Variants in SGCD observed in about 807,000 individuals in gnomAD.
SGCD encodes the protein sarcoglycan delta, also known as delta-sarcoglycan.
In SGCD, 18 loss-of-function variants were observed where a neutral mutation model predicts 36.6. The observed-to-expected ratio is 0.49, with a 90% CI of 0.34 to 0.73. The LOEUF is 0.73. SGCD is among the 30% of genes least tolerant of loss of function. The pLI is 0.01. For missense variants in SGCD, 387 were observed against 346.7 expected, an observed-to-expected ratio of 1.12 and a Z score of -0.92; for synonymous variants, 133 against 130.6, an observed-to-expected ratio of 1.02 and a Z score of -0.12.
chr5:155,764,308 A>G, the SGCD span, among the ~76,000 whole-genome samples: 1 of 152,160 alleles, frequency 6.6e-6, no homozygotes, highest in East Asian at 1.9e-4. Flanking sequence ...CATAAACAAC[A>G]TCACCACCAA....
chr5:156,598,269 C>T (rs988629024), intron 6 of SGCD, among the ~76,000 whole-genome samples: 6 of 152,148 alleles, frequency 3.9e-5, no homozygotes, highest in African/African-American at 7.2e-5. Flanking sequence ...TTGGGCCAGG[C>T]GCAGTGGCTC....
the SGCD span, among the ~76,000 whole-genome samples, chr5:155,830,994 A>G: frequency 1.3e-5 from 2 of 152,236 alleles, no homozygotes; most frequent in Admixed American, 6.5e-5. Context: ...TACGTGTTAG[A>G]TGCTCTCTGA....
At chr5:156,577,633 T>C (rs916119266) in intron 4 of SGCD, among the ~76,000 whole-genome samples, 1 of 152,230 alleles carries the variant, frequency 6.6e-6, no homozygotes, top group African/African-American at 2.4e-5. Context: ...GTCCTTCACA[T>C]CCCTTGTAAA....
At chr5:156,545,792 C>T (rs909963440) in intron 4 of SGCD, among the ~76,000 whole-genome samples, 3 of 152,048 alleles carry the variant, frequency 2.0e-5, no homozygotes, top group Non-Finnish European at 2.9e-5. Flanking sequence ...TTATCACATG[C>T]GATTTGGAAA....
intron 1 of SGCD, among the ~76,000 whole-genome samples, chr5:155,986,011 G>A (rs939563263): frequency 3.3e-5 from 5 of 152,150 alleles, no homozygotes; most frequent in Non-Finnish European, 5.9e-5. Context: ...CTCCTCAGGT[G>A]TAGAGTGTCG....
chr5:156,477,551 G>T (rs562289791), intron 3 of SGCD, among the ~76,000 whole-genome samples: 1 of 152,278 alleles, frequency 6.6e-6, no homozygotes, highest in Admixed American at 6.5e-5. Context: ...AGTGTTCTCT[G>T]CACTTGGCCT....
chr5:156,041,284 C>A (rs936265905), intron 1 of SGCD, among the ~76,000 whole-genome samples: 1 of 152,192 alleles, frequency 6.6e-6, no homozygotes, highest in Non-Finnish European at 1.5e-5. Context: ...GTGCTGAGCC[C>A]CAGAATGGGT....
intron 3 of SGCD, among the ~76,000 whole-genome samples, chr5:156,482,510 AT>A (rs959865511): frequency 6.6e-6 from 1 of 152,150 alleles, no homozygotes; most frequent in South Asian, 2.1e-4. Context: ...TTCTTCTGCC[AT>A]TTTTTTAAAT....
At chr5:156,315,289 A>G (rs1767487373) in intron 3 of SGCD, among the ~76,000 whole-genome samples, 1 of 150,500 alleles carries the variant, frequency 6.6e-6, no homozygotes, top group Admixed American at 6.6e-5. Flanking sequence ...GATTCCACAT[A>G]TAAGTAGAAT....
chr5:156,329,440 G>A (rs1042748428), intron 1 of SGCD, 94 bp from the exon 2 acceptor site: 3 of 865,532 alleles, frequency 3.5e-6, no homozygotes, highest in African/African-American at 1.7e-5. Context: ...AGCACATTTT[G>A]TAAGAATGGC....
At chr5:156,329,650 T>G (rs1767973745) in intron 2 of SGCD, 71 bp downstream of exon 2, 1 of 1,404,234 alleles carries the variant, frequency 7.1e-7, no homozygotes, top group Non-Finnish European at 1.0e-6. Context: ...ACATAAACTT[T>G]TGAAAAAGAG....
At chr5:156,030,999 C>G (rs1759338339) in intron 1 of SGCD, among the ~76,000 whole-genome samples, 1 of 152,088 alleles carries the variant, frequency 6.6e-6, no homozygotes, top group Non-Finnish European at 1.5e-5. Context: ...CAGAAGGCCT[C>G]CAGTAGCAGC....
At chr5:156,321,659 A>T (rs1056838783) in intron 3 of SGCD, among the ~76,000 whole-genome samples, 1 of 152,142 alleles carries the variant, frequency 6.6e-6, no homozygotes, top group Non-Finnish European at 1.5e-5. Context: ...ACATGAGGAC[A>T]CCATTCTCCT....
intron 3 of SGCD, among the ~76,000 whole-genome samples, chr5:156,154,655 G>C (rs1762907464): frequency 6.6e-6 from 1 of 151,592 alleles, no homozygotes; most frequent in Admixed American, 6.6e-5. Context: ...AACCATGGGA[G>C]ACAAAAATTA....
the SGCD span, among the ~76,000 whole-genome samples, chr5:155,743,746 A>G: frequency 1.3e-5 from 2 of 152,224 alleles, no homozygotes; most frequent in Non-Finnish European, 2.9e-5. Context: ...AATAAAACAA[A>G]CCTTGAACTG....
At chr5:156,559,821 C>T (rs1307874332) in intron 4 of SGCD, among the ~76,000 whole-genome samples, 1 of 152,158 alleles carries the variant, frequency 6.6e-6, no homozygotes, top group Admixed American at 6.5e-5. Flanking sequence ...TTTACCTTCC[C>T]ACAGACTTTT....
chr5:156,573,603 T>C (rs935955971), intron 4 of SGCD, among the ~76,000 whole-genome samples: 3 of 152,174 alleles, frequency 2.0e-5, no homozygotes, highest in African/African-American at 7.2e-5. Context: ...GTCAGACACC[T>C]TTTTGGTCAA....
chr5:156,190,993 A>G (rs908867134), intron 3 of SGCD, among the ~76,000 whole-genome samples: 4 of 152,170 alleles, frequency 2.6e-5, no homozygotes, highest in African/African-American at 9.6e-5. Flanking sequence ...ATTGATATTC[A>G]TAATCTATGA....
intron 4 of SGCD, among the ~76,000 whole-genome samples, chr5:156,569,634 T>G (rs1759638445): frequency 6.6e-6 from 1 of 151,276 alleles, no homozygotes. Flanking sequence ...ACAATCAGAC[T>G]TATAATAAAA....
Sources: gnomAD v4.1 joint callset for allele counts (sites outside exome capture counted in the v4.1 genomes callset) on GRCh38, gnomAD v4.1.1 for gene constraint, MANE v1.5 for transcripts, NCBI Gene and HGNC (gene_info 2026-07-23, HGNC 2026-07-21) for gene names.